ZSWIM7: variants seen among roughly 807,000 people sequenced by gnomAD.
The protein encoded by ZSWIM7 is zinc finger SWIM domain-containing protein 7.
ZSWIM7 carries 22 observed loss-of-function variants against 21.1 expected under a neutral mutation model. The ratio of observed to expected loss-of-function variants is 1.04; its 90% CI spans 0.74 to 1.49. The LOEUF (loss-of-function observed/expected upper bound fraction) is 1.49. Among genes scored for constraint, ZSWIM7 ranks in the 40% most tolerant of loss-of-function variants. The pLI is 0.00. For missense variants in ZSWIM7, 193 were observed against 168.0 expected, an observed-to-expected ratio of 1.15 and a Z score of -0.82; for synonymous variants, 67 against 66.5, an observed-to-expected ratio of 1.01 and a Z score of -0.04.
chr17:15,991,903 TG>T (rs1208356178), intron 2 of ZSWIM7, among the ~76,000 whole-genome samples: 16 of 99,592 alleles, frequency 1.6e-4, no homozygotes, highest in South Asian at 8.4e-4. Context: ...GGACAGGTTT[TG>T]TTTTTTTTTG....
chr17:15,996,379 C>T (rs1291131823), intron 1 of ZSWIM7, among the ~76,000 whole-genome samples: 1 of 152,094 alleles, frequency 6.6e-6, no homozygotes, highest in Admixed American at 6.6e-5. Context: ...GGTGTGGGGG[C>T]TCACAACTAT....
Position 15,977,981 on chromosome 17 carries a change from A to G in ZSWIM7, c.*66T>C. On this transcript the variant is annotated 3_prime_UTR_variant, in exon 5 of 5. Coordinates refer to ENST00000399277, the MANE Select transcript of ZSWIM7 (RefSeq NM_001042697.2). ...ATTTCACCTCTTTTCCATGTGAATC[A>G]TGACGCTTTCAATGCATTTCTTGAC... The G allele has an allele frequency of 1.6e-6, 2 of 1,279,574 alleles. No homozygotes were observed. The highest frequency in any genetic ancestry group is 2.3e-6 in the Non-Finnish European group (2 of 880,816). The allele number at this position is 1,279,574 out of a possible 1,614,324, so 79.3% of individuals were successfully genotyped here. A position where few individuals can be genotyped will look rare whatever the true frequency, so the allele number is the denominator to read the frequency against.
chr17:15,977,899 G>GC lies in ZSWIM7; in HGVS notation c.*147dup. 1.5e-6 allele frequency: 1 copy of GC among 664,274 alleles called. No homozygotes were observed. The highest frequency in any genetic ancestry group is 2.6e-6 in the Non-Finnish European group (1 of 379,258). The allele number at this position is 664,274 out of a possible 1,614,324, so 41.1% of individuals were successfully genotyped here. A position where few individuals can be genotyped will look rare whatever the true frequency, so the allele number is the denominator to read the frequency against. ...CCACAGCCCACGGCTCCAACCCACA[G>GC]CACCTCCTGCAGTCCTGGAGGGAAA... is the stretch of plus-strand genomic sequence containing the variant. On this transcript the variant is annotated 3_prime_UTR_variant, in exon 5 of 5. Coordinates refer to ENST00000399277, the MANE Select transcript of ZSWIM7 (RefSeq NM_001042697.2).
In ZSWIM7 at chr17:15,976,994, TG is replaced by T. The variant is rs2151615998; in HGVS notation, c.*1052del. On this transcript the variant is annotated 3_prime_UTR_variant, in exon 5 of 5. Coordinates refer to ENST00000399277, the MANE Select transcript of ZSWIM7 (RefSeq NM_001042697.2). ...TCGCTCTCCCTTCTAATACTCCTTCTGTCATCTATTTTGTCTTTTCTTCTTC... is the reference window on the plus strand; with the variant it reads ...TCGCTCTCCCTTCTAATACTCCTTCTTCATCTATTTTGTCTTTTCTTCTTC... 1 of 152,336 alleles carries T rather than the reference TG, an allele frequency of 6.6e-6. No individual in the cohort carries two copies. Among genetic ancestry groups the T allele is most frequent in the African/African-American group, 2.4e-5 (1 of 41,564 alleles). 9.4% of individuals were successfully genotyped at this position (152,336 alleles called of 1,614,324 possible). A position where few individuals can be genotyped will look rare whatever the true frequency, so the allele number is the denominator to read the frequency against.
chr17:15,980,663 T>C (rs1970344977), intron 4 of ZSWIM7, among the ~76,000 whole-genome samples: 1 of 152,154 alleles, frequency 6.6e-6, no homozygotes, highest in Non-Finnish European at 1.5e-5. Context: ...TGTCAGGCTG[T>C]CTCACAGGTA....
chr17:15,980,816 G>A (rs1324252095), intron 4 of ZSWIM7, among the ~76,000 whole-genome samples: 1 of 152,118 alleles, frequency 6.6e-6, no homozygotes, highest in African/African-American at 2.4e-5. Flanking sequence ...CTTCACTCAT[G>A]ATCTTTTACA....
intron 3 of ZSWIM7, among the ~76,000 whole-genome samples, chr17:15,981,959 G>A (rs1970361065): frequency 4.6e-5 from 7 of 152,112 alleles, no homozygotes; most frequent in Non-Finnish European, 7.4e-5. Flanking sequence ...ACTGGGAAGA[G>A]GCTTTTGAAA....
At chr17:15,992,790 T>G (rs1015096499) in intron 2 of ZSWIM7, among the ~76,000 whole-genome samples, 2 of 151,978 alleles carry the variant, frequency 1.3e-5, no homozygotes, top group African/African-American at 2.4e-5. Flanking sequence ...AATATGACAA[T>G]ACTGGATATG....
Position 15,977,983 on chromosome 17 carries a change from G to A in ZSWIM7, c.*64C>T. On this transcript the variant is annotated 3_prime_UTR_variant, in exon 5 of 5. Transcript: ENST00000399277. Reference sequence around the variant, plus strand: ...TTCACCTCTTTTCCATGTGAATCATGACGCTTTCAATGCATTTCTTGACAG... The same window carrying A: ...TTCACCTCTTTTCCATGTGAATCATAACGCTTTCAATGCATTTCTTGACAG... 3.1e-6 allele frequency: 4 copies of A among 1,289,264 alleles called. No individual in the cohort carries two copies. In the Admixed American group the frequency reaches 5.1e-5, roughly 16 times the overall value. 79.9% of individuals were successfully genotyped at this position (1,289,264 alleles called of 1,614,324 possible). A position where few individuals can be genotyped will look rare whatever the true frequency, so the allele number is the denominator to read the frequency against.
At chr17:15,995,160 A>C (rs945499262) in intron 1 of ZSWIM7, among the ~76,000 whole-genome samples, 2 of 152,330 alleles carry the variant, frequency 1.3e-5, no homozygotes, top group East Asian at 3.9e-4. Context: ...TAAATTAAAA[A>C]TACATGGTAT....
At position 15,993,658 on chromosome 17, in the gene ZSWIM7, G is replaced by A. The variant is rs944656353; in HGVS notation, c.98+99C>T. 3.3e-5 allele frequency: 32 copies of A among 966,036 alleles called. 1 individual carries two copies. In the East Asian group the frequency reaches 4.8e-4, roughly 14 times the overall value. 59.8% of individuals were successfully genotyped at this position (966,036 alleles called of 1,614,324 possible). ...TGGGATTATAGGCGTGAGCCACTGC[G>A]CCCGGTCAAGAGTATTTTTAAAAAT... On this transcript the variant is annotated intron_variant, in intron 2 of 4. Transcript: ENST00000399277.
chr17:15,993,090 C>T (rs553790753), intron 2 of ZSWIM7, among the ~76,000 whole-genome samples: 4 of 151,996 alleles, frequency 2.6e-5, no homozygotes, highest in South Asian at 2.1e-4. Flanking sequence ...GTTGGTCAGG[C>T]TGGTCTTGAA....
chr17:15,999,306 A>C, intron 1 of ZSWIM7: 2 of 689,172 alleles, frequency 2.9e-6, no homozygotes, highest in Non-Finnish European at 5.0e-6. Flanking sequence ...TGTACCGTAA[A>C]TATTTGCTGA....
chr17:15,976,883 T>C lies in ZSWIM7; in HGVS notation c.*1164A>G, dbSNP rs1597434913. 2 of 152,232 alleles carry C rather than the reference T, an allele frequency of 1.3e-5. No homozygotes were observed. The highest frequency in any genetic ancestry group is 3.9e-4 in the East Asian group (2 of 5,188). 9.4% of individuals were successfully genotyped at this position (152,232 alleles called of 1,614,324 possible). Reference sequence around the variant, plus strand: ...GGCTGTGGGCAGCTTTACCATAAGTTCTTGTCTTCTTATGCTGAAATTGAT... The same window carrying C: ...GGCTGTGGGCAGCTTTACCATAAGTCCTTGTCTTCTTATGCTGAAATTGAT... On this transcript the variant is annotated 3_prime_UTR_variant, in exon 5 of 5. Coordinates refer to ENST00000399277, the MANE Select transcript of ZSWIM7 (RefSeq NM_001042697.2).
chr17:15,980,994 T>G, intron 4 of ZSWIM7, 46 bp downstream of exon 4: 1 of 1,431,486 alleles, frequency 7.0e-7, no homozygotes, highest in Non-Finnish European at 9.7e-7. Flanking sequence ...AAGGGCAATT[T>G]CTCTCTACAT....
intron 3 of ZSWIM7, chr17:15,986,666 G>A (rs954891057): frequency 6.6e-6 from 1 of 152,032 alleles, no homozygotes; most frequent in Non-Finnish European, 1.5e-5. Context: ...TGGGGTGGGG[G>A]AGGAAGAGGA....
At chr17:15,987,391 A>G in intron 2 of ZSWIM7, 23 bp from the exon 3 acceptor site, 1 of 1,595,744 alleles carries the variant, frequency 6.3e-7, no homozygotes, top group East Asian at 2.2e-5. Context: ...AACACTTCAG[A>G]TTAGAAGGCC....
At position 15,978,114 on chromosome 17, in the gene ZSWIM7, T is replaced by A; in HGVS notation, c.356A>T (p.Gln119Leu). The change falls in exon 5 of 5, where the codon CAG becomes CTG. Residue 119 changes from glutamine (Q) to leucine (L), a missense_variant. By Grantham distance (113) the Gln-to-Leu change is moderately radical. Transcript: ENST00000399277. ...CTGCTTGTCAGAGACACTTAGCTGC[T>A]GACAGGTCCTCATAACCTGACTCAG... ...VYLSQVMRTC[Q>L]QLSVSDKQLT... 1 of 1,614,192 alleles carries A rather than the reference T, an allele frequency of 6.2e-7. No homozygotes were observed.
chr17:15,984,905 T>A (rs1970392043), intron 3 of ZSWIM7, among the ~76,000 whole-genome samples: 1 of 152,212 alleles, frequency 6.6e-6, no homozygotes, highest in South Asian at 2.1e-4. Flanking sequence ...ATGAATGAGA[T>A]CTAAAACTTT....
Sources: gnomAD v4.1 joint callset for allele counts (sites outside exome capture counted in the v4.1 genomes callset) on GRCh38, gnomAD v4.1.1 for gene constraint, MANE v1.5 for transcripts, NCBI Gene and HGNC (gene_info 2026-07-23, HGNC 2026-07-21) for gene names.